RAP1GAP2: variants seen among roughly 807,000 people sequenced by gnomAD.
RAP1GAP2 encodes the protein RAP1 GTPase activating protein 2.
RAP1GAP2 carries 27 observed loss-of-function variants against 95.0 expected under a neutral mutation model. The ratio of observed to expected loss-of-function variants is 0.28; its 90% CI spans 0.21 to 0.39. The LOEUF (loss-of-function observed/expected upper bound fraction) is 0.39, where lower values mean the gene tolerates loss of function less well. Ranked by LOEUF, RAP1GAP2 falls within the 10% of genes least tolerant of loss-of-function variation. RAP1GAP2 has a pLI of 1.00. For synonymous variants in RAP1GAP2, 373 were observed against 380.9 expected (o/e 0.98, Z 0.24); for missense variants, 771 against 970.0 (o/e 0.79, Z 2.72).
At chr17:2,787,141 G>A (rs1364536272) in intron 1 of RAP1GAP2, among the ~76,000 whole-genome samples, 1 of 151,498 alleles carries the variant, frequency 6.6e-6, no homozygotes, top group African/African-American at 2.4e-5. Flanking sequence ...AGTAGAGACA[G>A]GGTTTTACCA....
chr17:2,895,887 C>T (rs2041806809), intron 2 of RAP1GAP2, among the ~76,000 whole-genome samples: 1 of 152,068 alleles, frequency 6.6e-6, no homozygotes, highest in South Asian at 2.1e-4. Context: ...CTGCCCTCCC[C>T]TTTTGCCAGC....
chr17:2,980,391 G>A (rs2045314127), intron 9 of RAP1GAP2, 26 bp downstream of exon 9: 3 of 1,607,186 alleles, frequency 1.9e-6, no homozygotes, highest in East Asian at 2.2e-5. Context: ...GTGAGAGATG[G>A]TGGCTTCCTC....
At position 3,008,105 on chromosome 17, in the gene RAP1GAP2, T is replaced by A. The variant is rs2046391485; in HGVS notation, c.1454T>A (p.Phe485Tyr). Residue 485 changes from phenylalanine (F) to tyrosine (Y), a missense_variant, in exon 17 of 25, where the codon TTT becomes TAT. Physicochemically the swap from Phe to Tyr is conservative, Grantham distance 22. Transcript: ENST00000254695. The surrounding 1 kb of genome is among the most constrained non-coding windows in gnomAD (Gnocchi z 4.2). ...MLGLGPEEDK[F>Y]ENGGHGGFLE... ...GGACTGGGCCCAGAGGAGGACAAGT[T>A]TGAGAATGGAGGCCACGGGGGGTTC... 6 of 1,613,708 alleles carry A rather than the reference T, an allele frequency of 3.7e-6. No individual in the cohort carries two copies. Among genetic ancestry groups the A allele is most frequent in the Non-Finnish European group, 4.2e-6 (5 of 1,179,844 alleles).
At chr17:2,828,956 G>A (rs2070711652) in intron 2 of RAP1GAP2, among the ~76,000 whole-genome samples, 1 of 148,320 alleles carries the variant, frequency 6.7e-6, no homozygotes, top group African/African-American at 2.5e-5. Context: ...TGGGGGGGCA[G>A]GTTCCTGTCT....
chr17:3,026,253 G>C, intron 20 of RAP1GAP2, 97 bp from the exon 21 acceptor site: 6 of 1,305,126 alleles, frequency 4.6e-6, no homozygotes, highest in South Asian at 2.5e-5. Context: ...GCCGACGGGT[G>C]GGGGCGTGGG....
chr17:2,974,210 G>A (rs190216033), intron 8 of RAP1GAP2, among the ~76,000 whole-genome samples: 2,459 of 151,028 alleles, frequency 0.016, 81 homozygotes, highest in African/African-American at 0.057. Context: ...TTAGCTGGGC[G>A]CAGTGGCAGG....
At chr17:2,876,886 C>CT (rs34517318) in intron 2 of RAP1GAP2, among the ~76,000 whole-genome samples, 33,663 of 127,484 alleles carry the variant, frequency 0.26, 5,298 homozygotes, top group African/African-American at 0.44. Context: ...GGTTTACGTT[C>CT]TTTTTTTTTT....
Position 2,985,077 on chromosome 17 carries a change from C to T in RAP1GAP2, c.813+11C>T. ...CAAAAAGCCAGGCAGGTAAGCAGCACCATCCATACCGGTGACTGTATCCCG... is the reference window on the plus strand; with the variant it reads ...CAAAAAGCCAGGCAGGTAAGCAGCATCATCCATACCGGTGACTGTATCCCG... On this transcript the variant is annotated intron_variant, in intron 11 of 24. Transcript: ENST00000254695. The T allele has an allele frequency of 6.2e-7, 1 of 1,613,540 alleles. No homozygotes were observed. Among genetic ancestry groups the T allele is most frequent in the Non-Finnish European group, 8.5e-7 (1 of 1,179,774 alleles).
At chr17:3,025,127 A>G (rs1299886104) in intron 19 of RAP1GAP2, among the ~76,000 whole-genome samples, 3 of 152,204 alleles carry the variant, frequency 2.0e-5, no homozygotes, top group Non-Finnish European at 4.4e-5. Context: ...CTGTAATCTC[A>G]GCACTCTGGG....
At chr17:2,800,052 G>T in intron 1 of RAP1GAP2, 1 of 358,630 alleles carries the variant, frequency 2.8e-6, no homozygotes, top group Non-Finnish European at 3.9e-6. Context: ...GGCTGGGGAT[G>T]CTTGCGTCTT....
chr17:2,830,611 A>G (rs9911192), intron 2 of RAP1GAP2, among the ~76,000 whole-genome samples: 77,952 of 149,938 alleles, frequency 0.52, 20,475 homozygotes, highest in Non-Finnish European at 0.58. Flanking sequence ...CTACTCAGGA[A>G]GCTGAGGCAG....
At chr17:2,844,678 A>G (rs1297683018) in intron 2 of RAP1GAP2, among the ~76,000 whole-genome samples, 1 of 152,176 alleles carries the variant, frequency 6.6e-6, no homozygotes, top group African/African-American at 2.4e-5. Flanking sequence ...GGGAAGGATC[A>G]TTAACACATC....
chr17:3,034,367 G>A lies in RAP1GAP2; in HGVS notation c.*1006G>A, dbSNP rs1210304058. On this transcript the variant is annotated 3_prime_UTR_variant, in exon 25 of 25. Transcript: ENST00000254695. The surrounding 1 kb of genome is among the most constrained non-coding windows in gnomAD (Gnocchi z 5.1). ...ACAATGGGGGTTCAAGGAAGACGTC[G>A]TTATCTCCCCTCCCCACTTACTCGA... The A allele has an allele frequency of 4.1e-6, 1 of 246,612 alleles. No individual in the cohort carries two copies. Among genetic ancestry groups the A allele is most frequent in the Non-Finnish European group, 8.3e-6 (1 of 121,100 alleles). The allele number at this position is 246,612 out of a possible 1,614,324, so 15.3% of individuals were successfully genotyped here.
chr17:2,857,811 C>T lies in RAP1GAP2; in HGVS notation c.81-47473C>T, dbSNP rs148391643. On this transcript the variant is annotated intron_variant, in intron 2 of 24. Transcript: ENST00000254695. The surrounding 1 kb of genome is among the most constrained non-coding windows in gnomAD (Gnocchi z 4.0). ...CCGAGGAACACGATCAAAATATGTA[C>T]GTTCTTGGCCGGGCGCGGCAGCTCA... Among the ~76,000 whole-genome samples the T allele has an allele frequency of 6.5e-3, 996 of 152,196 alleles. 3 individuals are homozygous for T. The highest frequency in any genetic ancestry group is 0.01 in the Middle Eastern group (3 of 294).
intron 2 of RAP1GAP2, among the ~76,000 whole-genome samples, chr17:2,853,295 GC>G (rs1358088952): frequency 3.3e-5 from 5 of 151,922 alleles, no homozygotes; most frequent in African/African-American, 7.3e-5. Context: ...GCGCTGGGCG[GC>G]CGGGAGGGGA....
chr17:2,830,962 CCCCTTCCCTCCCTTCCCCTA>C (rs1403783343), intron 2 of RAP1GAP2, among the ~76,000 whole-genome samples: 1 of 107,436 alleles, frequency 9.3e-6, no homozygotes. Flanking sequence ...CCCCTCCCCT[CCCCTTCCCTCCCTTCCCCTA>C]CCCTTCCCTC....
At chr17:2,820,678 A>T (rs1258607237) in intron 2 of RAP1GAP2, among the ~76,000 whole-genome samples, 2 of 150,860 alleles carry the variant, frequency 1.3e-5, no homozygotes, top group Admixed American at 6.6e-5. Flanking sequence ...TATGATTCCC[A>T]TTCCCCACGT....
At chr17:2,884,662 CT>C (rs576219449) in intron 2 of RAP1GAP2, among the ~76,000 whole-genome samples, 203 of 152,278 alleles carry the variant, frequency 1.3e-3, no homozygotes, top group Non-Finnish European at 2.4e-3. Context: ...GTGTGAGCCA[CT>C]GCGCCCAGCC....
chr17:2,981,078 C>A, intron 9 of RAP1GAP2, 117 bp from the exon 10 acceptor site: 1 of 879,176 alleles, frequency 1.1e-6, no homozygotes, highest in Non-Finnish European at 1.8e-6. Context: ...AATCCCCGCC[C>A]AGGCCTCCTG....
Sources: gnomAD v4.1 joint callset for allele counts (sites outside exome capture counted in the v4.1 genomes callset) on GRCh38, gnomAD v4.1.1 for gene constraint, Gnocchi (gnomAD v3.1) non-coding constraint, MANE v1.5 for transcripts, NCBI Gene and HGNC (gene_info 2026-07-23, HGNC 2026-07-21) for gene names.